The following DNAH9 variants were observed in gnomAD, a reference collection of about 807,000 sequenced individuals.
DNAH9 encodes the protein DNAH9 variant protein.
DNAH9 carries 345 observed loss-of-function variants against 471.6 expected under a neutral mutation model. That is an observed-to-expected ratio of 0.73 (90% CI 0.67 to 0.80). DNAH9 has a LOEUF of 0.80. Among genes scored for constraint, DNAH9 ranks in the 30% least tolerant of loss-of-function variants. The probability of loss-of-function intolerance (pLI) is 0.00; values close to 1 mark genes in which losing one functional copy is unlikely to be tolerated. For synonymous variants in DNAH9, 2,093 were observed against 2,123.6 expected, an observed-to-expected ratio of 0.99 and a Z score of 0.40; for missense variants, 5,407 against 5,609.2, an observed-to-expected ratio of 0.96 and a Z score of 1.15.
chr17:11,969,431 G>A lies in DNAH9; in HGVS notation c.13365G>A (p.Gln4455=). Residue 4455 remains glutamine (Q), a synonymous_variant, in exon 69 of 69, where the codon CAG becomes CAA. Coordinates refer to ENST00000262442, the MANE Select transcript of DNAH9 (RefSeq NM_001372.4). ...VYSCPVYKTS[Q]RGPTYVWTFN... ...CCTGTCCTGTGTACAAGACTAGTCA[G>A]CGGGGACCCACCTACGTGTGGACTT... The A allele has an allele frequency of 6.2e-7, 1 of 1,614,040 alleles. No individual in the cohort carries two copies. Among genetic ancestry groups the A allele is most frequent in the Non-Finnish European group, 8.5e-7 (1 of 1,180,026 alleles).
At chr17:11,966,514 C>A (rs755092314) in intron 68 of DNAH9, among the ~76,000 whole-genome samples, 3 of 152,158 alleles carry the variant, frequency 2.0e-5, no homozygotes, top group Non-Finnish European at 2.9e-5. Context: ...GACAGAAACT[C>A]AAGTCCACAC....
At chr17:11,822,305 C>T (rs1166897996) in intron 46 of DNAH9, 133 bp from the exon 47 acceptor site, 11 of 1,171,696 alleles carry the variant, frequency 9.4e-6, no homozygotes, top group Middle Eastern at 2.9e-4. Context: ...GGCTGGCTAG[C>T]ATTTACAGAT....
chr17:11,788,697 GTTTC>G (rs1399440859), intron 41 of DNAH9, among the ~76,000 whole-genome samples: 1 of 151,906 alleles, frequency 6.6e-6, no homozygotes, highest in Non-Finnish European at 1.5e-5. Flanking sequence ...TAACAGTTAT[GTTTC>G]TTTCTTTTCA....
chr17:11,662,918 G>C (rs2150718372), intron 14 of DNAH9, among the ~76,000 whole-genome samples: 1 of 151,674 alleles, frequency 6.6e-6, no homozygotes, highest in African/African-American at 2.4e-5. Flanking sequence ...ACTATGCCTG[G>C]CTAATTTTTT....
At chr17:11,698,556 G>A (rs1352070567) in intron 22 of DNAH9, among the ~76,000 whole-genome samples, 1 of 151,662 alleles carries the variant, frequency 6.6e-6, no homozygotes, top group African/African-American at 2.4e-5. Context: ...TGTGGGTGGT[G>A]TTTCCATGGG....
At chr17:11,763,310 TTGTC>T in intron 35 of DNAH9, 126 bp from the exon 36 acceptor site, 1 of 772,536 alleles carries the variant, frequency 1.3e-6, no homozygotes, top group Non-Finnish European at 2.1e-6. Context: ...GGCGCTCTGG[TTGTC>T]TGTAATCCCA....
chr17:11,721,587 G>T (rs575815668), intron 27 of DNAH9, among the ~76,000 whole-genome samples: 1 of 152,164 alleles, frequency 6.6e-6, no homozygotes, highest in East Asian at 1.9e-4. Context: ...CATTGTGCAG[G>T]ATGCCAAAAA....
chr17:11,666,054 TC>T (rs2150722856), intron 15 of DNAH9, among the ~76,000 whole-genome samples: 1 of 152,218 alleles, frequency 6.6e-6, no homozygotes, highest in Admixed American at 6.5e-5. Flanking sequence ...ACAACAGGAC[TC>T]AGGAAATCCA....
Position 11,604,255 on chromosome 17 carries a change from C to G in DNAH9, c.418-3874C>G, listed in dbSNP as rs139025892. On this transcript the variant is annotated intron_variant, in intron 1 of 68. Coordinates refer to ENST00000262442, the MANE Select transcript of DNAH9 (RefSeq NM_001372.4). ...GCCAGGCTGGTCTCAAACTCCTGAC[C>G]TCGTGATCTGCCCACCTTGGCTTCA... 2.8e-3 allele frequency among the ~76,000 whole-genome samples: 422 copies of G among 152,170 alleles called. 5 individuals carry two copies. In the East Asian group the frequency reaches 0.032, roughly 12 times the overall value.
intron 10 of DNAH9, among the ~76,000 whole-genome samples, chr17:11,643,390 G>A (rs990039390): frequency 2.6e-5 from 4 of 152,228 alleles, no homozygotes; most frequent in South Asian, 2.1e-4. Context: ...GTTTCGGATC[G>A]CGTGTTCTAG....
chr17:11,669,731 T>C lies in DNAH9; in HGVS notation c.3290T>C (p.Leu1097Pro). ...ATTCGACCCTTTAAGGCATCTCTGC[T>C]GAATATTATTAAGAGGTGGAGCCTC... ...IDIRPFKASLLNIIKRWSLLF... is the reference protein window; with the variant it reads ...IDIRPFKASLPNIIKRWSLLF... Residue 1097 changes from leucine (L) to proline (P), a missense_variant, in exon 17 of 69, where the codon CTG (leucine) becomes CCG (proline). By Grantham distance (98) the Leu-to-Pro change is moderately conservative. This residue lies in a region of DNAH9 where 4,636 missense variants were observed against 4,900.3 expected (regional missense o/e 0.95). Transcript: ENST00000262442. The C allele has an allele frequency of 6.2e-7, 1 of 1,614,200 alleles. No individual in the cohort carries two copies. The highest frequency in any genetic ancestry group is 8.5e-7 in the Non-Finnish European group (1 of 1,180,010).
rs61744677 is a variant in DNAH9 at position 11,744,968 on chromosome 17, G to A, written c.6283G>A (p.Gly2095Arg). ...CATGCCCATCTTCATGGGCCTGATC[G>A]GGGACCTCTTTCCCGCCCTGGATGT... The part of the protein sequence containing the change: ...DDMPIFMGLI[G>R]DLFPALDVPR... Residue 2095 changes from glycine (G) to arginine (R), a missense_variant, in exon 31 of 69, where the codon GGG (glycine) becomes AGG (arginine). Coordinates refer to ENST00000262442, the MANE Select transcript of DNAH9 (RefSeq NM_001372.4). 6.7e-5 allele frequency: 108 copies of A among 1,613,992 alleles called. No individual in the cohort carries two copies. In the African/African-American group the frequency reaches 8.0e-4, roughly 12 times the overall value.
At chr17:11,629,911 G>A (rs754288034) in intron 7 of DNAH9, among the ~76,000 whole-genome samples, 28 of 152,118 alleles carry the variant, frequency 1.8e-4, no homozygotes, top group Non-Finnish European at 3.8e-4. Flanking sequence ...GGCTTCAAAC[G>A]TTTTAAGCTC....
At chr17:11,692,939 T>C (rs928147860) in intron 20 of DNAH9, among the ~76,000 whole-genome samples, 1 of 152,186 alleles carries the variant, frequency 6.6e-6, no homozygotes, top group African/African-American at 2.4e-5. Context: ...GGAGTCTCGC[T>C]TTGTCACCCA....
At chr17:11,897,669 A>G (rs557069465) in intron 59 of DNAH9, among the ~76,000 whole-genome samples, 39 of 152,336 alleles carry the variant, frequency 2.6e-4, no homozygotes, top group African/African-American at 8.7e-4. Context: ...TTCAACTTCA[A>G]GTTTGTGTGT....
chr17:11,902,323 C>T (rs1973440553), intron 59 of DNAH9, among the ~76,000 whole-genome samples: 1 of 152,122 alleles, frequency 6.6e-6, no homozygotes, highest in African/African-American at 2.4e-5. Flanking sequence ...GAGAGGTGAA[C>T]TGACAGGGTT....
At chr17:11,795,909 CTTGGTA>C (rs1243467359) in intron 42 of DNAH9, among the ~76,000 whole-genome samples, 4 of 152,196 alleles carry the variant, frequency 2.6e-5, no homozygotes, top group Non-Finnish European at 5.9e-5. Context: ...CACACCACAT[CTTGGTA>C]TTGGTATCAA....
chr17:11,748,503 G>A (rs942977252), intron 32 of DNAH9, among the ~76,000 whole-genome samples: 25 of 152,066 alleles, frequency 1.6e-4, no homozygotes, highest in Non-Finnish European at 2.5e-4. Context: ...CCTATAAAGG[G>A]CACGACTCCC....
intron 35 of DNAH9, among the ~76,000 whole-genome samples, chr17:11,762,107 G>A (rs1157874340): frequency 1.3e-5 from 2 of 152,184 alleles, no homozygotes; most frequent in Non-Finnish European, 2.9e-5. Context: ...GTCACTCATG[G>A]AAGTAATACC....
Sources: allele counts gnomAD v4.1 joint callset (sites outside exome capture counted in the v4.1 genomes callset), GRCh38; gene constraint gnomAD v4.1.1; regional missense constraint gnomAD v4.1.1; transcripts MANE v1.5; gene names NCBI Gene and HGNC (gene_info 2026-07-23, HGNC 2026-07-21).